LIPG: variants seen among roughly 807,000 people sequenced by gnomAD.
LIPG encodes the protein lipase G, endothelial type.
A neutral mutation model predicts 51.8 loss-of-function variants in LIPG; 34 were observed. That is an observed-to-expected ratio of 0.66 (90% CI 0.50 to 0.87). The LOEUF (loss-of-function observed/expected upper bound fraction) is 0.87. Among genes scored for constraint, LIPG ranks in the 40% least tolerant of loss-of-function variants. LIPG has a pLI of 0.00. For synonymous variants in LIPG, 246 were observed against 246.1 expected (o/e 1.00, Z 0.00); for missense variants, 580 against 652.7 (o/e 0.89, Z 1.21).
chr18:49,590,537 G>A lies in LIPG; in HGVS notation c.*15G>A, dbSNP rs933450814. ...AGCTTCCCTGAGGGTGCCCGGGCAA[G>A]TCTTGCCAGCAAGGCAGCAAGACTT... On this transcript the variant is annotated 3_prime_UTR_variant, in exon 10 of 10. Transcript: ENST00000261292. 1 of 1,595,862 alleles carries A rather than the reference G, an allele frequency of 6.3e-7. No homozygotes were observed. Among genetic ancestry groups the A allele is most frequent in the Non-Finnish European group, 8.6e-7 (1 of 1,169,404 alleles).
At chr18:49,581,199 G>A (rs1600562207) in intron 5 of LIPG, among the ~76,000 whole-genome samples, 1 of 152,208 alleles carries the variant, frequency 6.6e-6, no homozygotes, top group South Asian at 2.1e-4. Context: ...AGTTGAGGCT[G>A]CTGTGAGCGG....
rs2084975800 is a variant in LIPG at position 49,595,242 on chromosome 18, A to G, written c.*4720A>G. On this transcript the variant is annotated 3_prime_UTR_variant, in exon 10 of 10. Coordinates refer to ENST00000261292, the MANE Select transcript of LIPG (RefSeq NM_006033.4). ...GAATAGTGTCTGGAACATCATGGGT[A>G]TTCAATGAATATTTAAATAAATAGA... 6.6e-6 allele frequency: 1 copy of G among 152,218 alleles called. No homozygotes were observed. The allele number at this position is 152,218 out of a possible 1,614,324, so 9.4% of individuals were successfully genotyped here.
chr18:49,571,613 T>C (rs2084664386), intron 4 of LIPG, among the ~76,000 whole-genome samples: 1 of 152,086 alleles, frequency 6.6e-6, no homozygotes, highest in Non-Finnish European at 1.5e-5. Flanking sequence ...ACACACGCTG[T>C]TGTGTATGTC....
chr18:49,576,424 TTTTC>T (rs957373915), intron 5 of LIPG, among the ~76,000 whole-genome samples: 7 of 146,190 alleles, frequency 4.8e-5, no homozygotes, highest in African/African-American at 1.7e-4. Context: ...TGGATATTCT[TTTTC>T]TTTTCTTTTT....
chr18:49,583,459 G>A, intron 7 of LIPG, 97 bp from the exon 8 acceptor site: 1 of 947,204 alleles, frequency 1.1e-6, no homozygotes, highest in Non-Finnish European at 1.7e-6. Context: ...TCTCTCTCCT[G>A]TCTGTGTGGG....
intron 5 of LIPG, among the ~76,000 whole-genome samples, chr18:49,578,976 C>T (rs1406107169): frequency 9.7e-5 from 12 of 123,622 alleles, no homozygotes; most frequent in East Asian, 7.1e-4. Context: ...AGTCCAGCTT[C>T]GGCTCCACAT....
chr18:49,580,340 ATCT>A (rs1472887220), intron 5 of LIPG, among the ~76,000 whole-genome samples: 2 of 152,234 alleles, frequency 1.3e-5, no homozygotes, highest in African/African-American at 2.4e-5. Flanking sequence ...GTTGTCAAAC[ATCT>A]TCTTAAAGCA....
In LIPG at chr18:49,597,904, T is replaced by G. The variant is rs1449305099; in HGVS notation, c.*7382T>G. On this transcript the variant is annotated 3_prime_UTR_variant, in exon 10 of 10. Coordinates refer to ENST00000261292, the MANE Select transcript of LIPG (RefSeq NM_006033.4). ...GCTAAAATGACATTATCTTTACTTCTGCCCTGGTTATTATCCCAAGGCAAC... is the reference window on the plus strand; with the variant it reads ...GCTAAAATGACATTATCTTTACTTCGGCCCTGGTTATTATCCCAAGGCAAC... 4 of 152,250 alleles carry G rather than the reference T, an allele frequency of 2.6e-5. No individual in the cohort carries two copies. Among genetic ancestry groups the G allele is most frequent in the Non-Finnish European group, 5.9e-5 (4 of 68,042 alleles). The allele number at this position is 152,250 out of a possible 1,614,324, so 9.4% of individuals were successfully genotyped here. A position where few individuals can be genotyped will look rare whatever the true frequency, so the allele number is the denominator to read the frequency against.
At position 49,565,958 on chromosome 18, in the gene LIPG, A is replaced by G. The variant is rs532841138; in HGVS notation, c.279+460A>G. On this transcript the variant is annotated intron_variant, in intron 2 of 9. Coordinates refer to ENST00000261292, the MANE Select transcript of LIPG (RefSeq NM_006033.4). ...TTTGCATAGAGATAGCCCCGTTTAAAGGCACTGGGGCTCTTTATGTGCCCT... is the reference window on the plus strand; with the variant it reads ...TTTGCATAGAGATAGCCCCGTTTAAGGGCACTGGGGCTCTTTATGTGCCCT... Among the ~76,000 whole-genome samples the G allele has an allele frequency of 1.5e-4, 23 of 152,344 alleles. 1 individual carries two copies. The East Asian group carries it at 4.4e-3, about 29-fold the overall frequency.
chr18:49,582,875 GTA>G (rs371278370), intron 7 of LIPG, among the ~76,000 whole-genome samples: 394 of 152,346 alleles, frequency 2.6e-3, no homozygotes, highest in African/African-American at 7.6e-3. Flanking sequence ...ATAGCGATCT[GTA>G]TATGTTTGTT....
At chr18:49,563,672 A>G (rs1319780729) in intron 1 of LIPG, among the ~76,000 whole-genome samples, 3 of 151,760 alleles carry the variant, frequency 2.0e-5, no homozygotes, top group Non-Finnish European at 4.4e-5. Context: ...TGGTCAGGGA[A>G]GGCCTTTCTG....
At chr18:49,573,529 G>A (rs551097453) in intron 4 of LIPG, among the ~76,000 whole-genome samples, 4 of 151,340 alleles carry the variant, frequency 2.6e-5, no homozygotes, top group South Asian at 4.2e-4. Flanking sequence ...GCAGTGAGCC[G>A]AGATCGTGCC....
At chr18:49,568,914 AC>A (rs1020047513) in intron 3 of LIPG, among the ~76,000 whole-genome samples, 2 of 151,912 alleles carry the variant, frequency 1.3e-5, no homozygotes, top group African/African-American at 4.8e-5. Context: ...CCATGGGGTT[AC>A]CTCCTTACCC....
intron 9 of LIPG, among the ~76,000 whole-genome samples, chr18:49,588,401 A>G (rs1305087927): frequency 1.8e-4 from 27 of 150,954 alleles, no homozygotes; most frequent in Non-Finnish European, 4.4e-5. Context: ...TCCTTCCTCA[A>G]CCTTCCGAGT....
chr18:49,589,550 C>G (rs1299511317), intron 9 of LIPG: 1 of 152,386 alleles, frequency 6.6e-6, no homozygotes, highest in African/African-American at 2.4e-5. Context: ...CAGCCTCGAC[C>G]TCCCTGGGCT....
chr18:49,578,307 G>C (rs1256459189), intron 5 of LIPG, among the ~76,000 whole-genome samples: 15 of 144,872 alleles, frequency 1.0e-4, no homozygotes, highest in African/African-American at 3.9e-4. Context: ...CTTCTCAGAC[G>C]GGGCAGCCGG....
chr18:49,587,436 A>G (rs1268948900), intron 9 of LIPG, among the ~76,000 whole-genome samples: 3 of 149,760 alleles, frequency 2.0e-5, no homozygotes, highest in South Asian at 2.1e-4. Context: ...GGGCATGGTG[A>G]CGGGTGCCTG....
intron 2 of LIPG, among the ~76,000 whole-genome samples, chr18:49,566,699 T>C (rs1461244589): frequency 6.6e-6 from 1 of 152,162 alleles, no homozygotes; most frequent in Non-Finnish European, 1.5e-5. Context: ...TTGTTAACTC[T>C]GCATTCACCT....
In LIPG at chr18:49,590,397, C is replaced by A. The variant is rs1360800740; in HGVS notation, c.1482-104C>A. On this transcript the variant is annotated intron_variant, in intron 9 of 9. Transcript: ENST00000261292. ...ATGTAAAATAGTCCCATAGGGGTGTCAGAAAGCTTGGCCTTAAGGTCAAAA... is the reference window on the plus strand; with the variant it reads ...ATGTAAAATAGTCCCATAGGGGTGTAAGAAAGCTTGGCCTTAAGGTCAAAA... 1.4e-5 allele frequency: 17 copies of A among 1,237,074 alleles called. No individual in the cohort carries two copies. The East Asian group carries it at 2.3e-4, about 17-fold the overall frequency. The allele number at this position is 1,237,074 out of a possible 1,614,324, so 76.6% of individuals were successfully genotyped here.
Sources: gnomAD v4.1 joint callset for allele counts (sites outside exome capture counted in the v4.1 genomes callset) on GRCh38, gnomAD v4.1.1 for gene constraint, MANE v1.5 for transcripts, NCBI Gene and HGNC (gene_info 2026-07-23, HGNC 2026-07-21) for gene names.